The following MYO5C variants were observed in gnomAD, a reference collection of about 807,000 sequenced individuals.
The protein encoded by MYO5C is unconventional myosin-Vc.
MYO5C carries 194 observed loss-of-function variants against 235.7 expected under a neutral mutation model. The ratio of observed to expected loss-of-function variants is 0.82; its 90% CI spans 0.73 to 0.93. MYO5C has a LOEUF of 0.93. MYO5C is among the 40% of genes least tolerant of loss of function. The probability of loss-of-function intolerance (pLI) is 0.00; values close to 1 mark genes in which losing one functional copy is unlikely to be tolerated. For synonymous variants in MYO5C, 707 were observed against 754.8 expected (o/e 0.94, Z 1.04); for missense variants, 2,038 against 2,127.2 (o/e 0.96, Z 0.82).
Position 52,196,343 on chromosome 15 carries a change from A to C in MYO5C, c.4961T>G (p.Ile1654Ser). The C allele has an allele frequency of 6.2e-7, 1 of 1,613,624 alleles. No individual in the cohort carries two copies. The highest frequency in any genetic ancestry group is 8.5e-7 in the Non-Finnish European group (1 of 1,179,928). ...AGACAGTGAGGTGCAGCGTTCGTAG[A>C]TCTCCTTGGCATCACTGTCTGTGGT... ...KKTTDSDAKE[I>S]YERCTSLSAV... The change falls in exon 39 of 41, where the codon ATC becomes AGC. Residue 1654 changes from isoleucine to serine, a missense_variant. Transcript: ENST00000261839.
chr15:52,225,069 G>A lies in MYO5C; in HGVS notation c.3365+6C>T, dbSNP rs1239948510. ...TTAAAATGTTTGATAATGCAAAAAT[G>A]ATTACCTGCTTCTTACATCTTCAAT... is the stretch of plus-strand genomic sequence containing the variant. On this transcript the variant is annotated splice_donor_region_variant and intron_variant, in intron 27 of 40. Coordinates refer to ENST00000261839, the MANE Select transcript of MYO5C (RefSeq NM_018728.4). The A allele has an allele frequency of 6.2e-7, 1 of 1,613,860 alleles. No individual in the cohort carries two copies. Among genetic ancestry groups the A allele is most frequent in the Admixed American group, 1.7e-5 (1 of 60,020 alleles).
Position 52,211,861 on chromosome 15 carries a change from C to G in MYO5C, c.4165G>C (p.Val1389Leu). 6.2e-7 allele frequency: 1 copy of G among 1,614,028 alleles called. No homozygotes were observed. The highest frequency in any genetic ancestry group is 8.5e-7 in the Non-Finnish European group (1 of 1,179,940). The change falls in exon 35 of 41, where the codon GTG becomes CTG. Residue 1389 changes from valine (V) to leucine (L), a missense_variant. By Grantham distance (32) the Val-to-Leu change is conservative. Coordinates refer to ENST00000261839, the MANE Select transcript of MYO5C (RefSeq NM_018728.4). ...ILDLKPRGVV[V>L]NMIPGLPAHI... ...GCCGGCAGCCCGGGGATCATGTTCA[C>G]CACCACGCCACGGGGCTTCAAGTCT...
intron 1 of MYO5C, among the ~76,000 whole-genome samples, chr15:52,294,650 A>G (rs1185937325): frequency 1.3e-5 from 2 of 152,072 alleles, no homozygotes; most frequent in African/African-American, 4.8e-5. Context: ...GATTTCCCCA[A>G]CTGGTGTATA....
intron 4 of MYO5C, among the ~76,000 whole-genome samples, chr15:52,277,380 T>G (rs1161298416): frequency 3.9e-5 from 6 of 152,082 alleles, no homozygotes; most frequent in South Asian, 2.1e-4. Flanking sequence ...CTGGGAGACC[T>G]ACAGGGAGCC....
At chr15:52,278,094 T>C (rs2037090433) in intron 4 of MYO5C, 1 of 373,142 alleles carries the variant, frequency 2.7e-6, no homozygotes, top group African/African-American at 2.1e-5. Context: ...GGGAGACCAC[T>C]GTATGTGAAA....
chr15:52,197,792 C>T (rs1445050918), intron 38 of MYO5C, among the ~76,000 whole-genome samples: 2 of 151,906 alleles, frequency 1.3e-5, no homozygotes, highest in Non-Finnish European at 2.9e-5. Context: ...CCTGCCACTA[C>T]ACCCGGCTAA....
chr15:52,233,715 A>G (rs2036019324), intron 23 of MYO5C, among the ~76,000 whole-genome samples: 2 of 152,232 alleles, frequency 1.3e-5, no homozygotes, highest in Non-Finnish European at 1.5e-5. Context: ...AGGACGTTCC[A>G]TGGCTATGAC....
intron 21 of MYO5C, among the ~76,000 whole-genome samples, chr15:52,239,113 G>A (rs1329894883): frequency 6.6e-6 from 1 of 152,054 alleles, no homozygotes; most frequent in Non-Finnish European, 1.5e-5. Context: ...CACCACGCCC[G>A]GCTAATTTTG....
intron 2 of MYO5C, among the ~76,000 whole-genome samples, chr15:52,280,237 C>T (rs1283347365): frequency 1.3e-5 from 2 of 152,174 alleles, no homozygotes; most frequent in Non-Finnish European, 2.9e-5. Context: ...CCGTGAAAGG[C>T]CCCTGGTGCA....
chr15:52,283,305 C>G (rs1292716042), intron 1 of MYO5C, among the ~76,000 whole-genome samples: 1 of 152,224 alleles, frequency 6.6e-6, no homozygotes, highest in African/African-American at 2.4e-5. Context: ...ACAACAATAC[C>G]TATTTTCACC....
intron 22 of MYO5C, among the ~76,000 whole-genome samples, chr15:52,236,394 C>G (rs1331943921): frequency 2.0e-5 from 3 of 152,194 alleles, no homozygotes; most frequent in Non-Finnish European, 4.4e-5. Context: ...GCAGCAGAGG[C>G]TGGGCACGGT....
At position 52,195,645 on chromosome 15, in the gene MYO5C, C is replaced by G. The variant is rs74015626; in HGVS notation, c.4996-188G>C. 1.3e-3 allele frequency among the ~76,000 whole-genome samples: 200 copies of G among 152,198 alleles called. 1 individual carries two copies. The highest frequency in any genetic ancestry group is 4.7e-3 in the African/African-American group (196 of 41,522). On this transcript the variant is annotated intron_variant, in intron 39 of 40. Transcript: ENST00000261839. ...AAGGGGAGAAAAGTGCCTTAGGGAG[C>G]AAAGGCAAATCAGATAATCAGAAAA...
At chr15:52,253,192 A>G (rs2036508489) in intron 12 of MYO5C, 125 bp downstream of exon 12, 1 of 982,876 alleles carries the variant, frequency 1.0e-6, no homozygotes, top group Non-Finnish European at 1.5e-6. Flanking sequence ...TCCCAGCATT[A>G]ATATCCATCC....
chr15:52,223,302 C>G (rs952644457), intron 29 of MYO5C, among the ~76,000 whole-genome samples: 1 of 152,168 alleles, frequency 6.6e-6, no homozygotes, highest in Admixed American at 6.5e-5. Flanking sequence ...TACACACTTA[C>G]GCGCACACAC....
At chr15:52,231,703 A>T (rs1188887411) in intron 24 of MYO5C, among the ~76,000 whole-genome samples, 1 of 152,116 alleles carries the variant, frequency 6.6e-6, no homozygotes, top group Non-Finnish European at 1.5e-5. Context: ...CTACCACCAC[A>T]GGCAGCCCTG....
In MYO5C at chr15:52,196,316, G is replaced by A. The variant is rs779277168; in HGVS notation, c.4988C>T (p.Ala1663Val). The A allele has an allele frequency of 1.2e-6, 2 of 1,608,234 alleles. No individual in the cohort carries two copies. Among genetic ancestry groups the A allele is most frequent in the Non-Finnish European group, 1.7e-6 (2 of 1,177,878 alleles). ...EIYERCTSLS[A>V]VQIIKILNSY... is the part of the protein sequence containing the mutation. ...CTAAGCAAGCCTGGTCACCTGCACA[G>A]CAGACAGTGAGGTGCAGCGTTCGTA... The change falls in exon 39 of 41, where the codon GCT (alanine) becomes GTT (valine). Residue 1663 changes from alanine (A) to valine (V), a missense_variant. Coordinates refer to ENST00000261839, the MANE Select transcript of MYO5C (RefSeq NM_018728.4).
chr15:52,284,827 TTTTC>T (rs909285385), intron 1 of MYO5C, among the ~76,000 whole-genome samples: 8 of 132,292 alleles, frequency 6.0e-5, no homozygotes, highest in South Asian at 4.8e-4. Flanking sequence ...ATAAAATTCT[TTTTC>T]TTTCTTTCTT....
intron 1 of MYO5C, among the ~76,000 whole-genome samples, chr15:52,287,366 C>T (rs938879419): frequency 3.9e-5 from 6 of 152,216 alleles, no homozygotes; most frequent in African/African-American, 1.4e-4. Context: ...TACACAGCTC[C>T]TACCCCAGGT....
rs1472704784 is a variant in MYO5C, at chr15:52,213,193, A to T, written c.4136T>A (p.Ile1379Asn). 6.2e-7 allele frequency: 1 copy of T among 1,613,462 alleles called. No individual in the cohort carries two copies. Among genetic ancestry groups the T allele is most frequent in the East Asian group, 2.2e-5 (1 of 44,872 alleles). Residue 1379 changes from isoleucine (I) to asparagine (N), a missense_variant, in exon 34 of 41, where the codon ATT (isoleucine) becomes AAT (asparagine). Physicochemically the swap from Ile to Asn is moderately radical, Grantham distance 149. Coordinates refer to ENST00000261839, the MANE Select transcript of MYO5C (RefSeq NM_018728.4). Reference sequence around the variant, plus strand: ...AGAGTTCCAGGTTTCACTACCAAGAATGAGGTTCTGAATGAGCTTGGCCTC... The same window carrying T: ...AGAGTTCCAGGTTTCACTACCAAGATTGAGGTTCTGAATGAGCTTGGCCTC... ...EDEAKLIQNL[I>N]LDLKPRGVVV...
Sources: gnomAD v4.1 joint callset for allele counts (sites outside exome capture counted in the v4.1 genomes callset) on GRCh38, gnomAD v4.1.1 for gene constraint, MANE v1.5 for transcripts, NCBI Gene and HGNC (gene_info 2026-07-23, HGNC 2026-07-21) for gene names.